The following CWC27 variants were observed in gnomAD, a reference collection of about 807,000 sequenced individuals.
CWC27 encodes the protein CWC27 spliceosome associated cyclophilin, also known as spliceosome-associated protein CWC27 homolog.
Under a neutral mutation model 63.6 loss-of-function variants are expected in CWC27, and 47 were observed. That is an observed-to-expected ratio of 0.74 (90% CI 0.58 to 0.94). The LOEUF is 0.94. Among genes scored for constraint, CWC27 ranks in the 40% least tolerant of loss-of-function variants. CWC27 has a pLI of 0.00. For synonymous variants in CWC27, 175 were observed against 179.8 expected (o/e 0.97, Z 0.22); for missense variants, 495 against 554.3 (o/e 0.89, Z 1.07).
chr5:64,870,012 A>C (rs145966612), intron 10 of CWC27, among the ~76,000 whole-genome samples: 1 of 152,230 alleles, frequency 6.6e-6, no homozygotes, highest in Non-Finnish European at 1.5e-5. Context: ...GTGAAAAGGT[A>C]TTAATTCCCC....
intron 10 of CWC27, among the ~76,000 whole-genome samples, chr5:64,823,417 T>A (rs79229203): frequency 0.027 from 4,046 of 152,290 alleles, 183 homozygotes; most frequent in African/African-American, 0.092. Context: ...GCGACTGTAT[T>A]TAAAGGGTGT....
chr5:64,967,723 A>G (rs1253988752), intron 11 of CWC27, among the ~76,000 whole-genome samples: 2 of 152,034 alleles, frequency 1.3e-5, no homozygotes, highest in East Asian at 3.8e-4. Flanking sequence ...TCTGTATAGA[A>G]AAAAAATCTC....
At chr5:64,908,328 G>T (rs1747706626) in intron 11 of CWC27, among the ~76,000 whole-genome samples, 1 of 152,214 alleles carries the variant, frequency 6.6e-6, no homozygotes, top group African/African-American at 2.4e-5. Flanking sequence ...TTTGGAATAA[G>T]TGCAACGTAA....
At chr5:64,981,335 T>C (rs1030543364) in intron 13 of CWC27, among the ~76,000 whole-genome samples, 4 of 152,208 alleles carry the variant, frequency 2.6e-5, no homozygotes, top group Non-Finnish European at 5.9e-5. Context: ...GATCATATAG[T>C]ACTACAGCTT....
At chr5:64,950,336 C>CA (rs1748680092) in intron 11 of CWC27, among the ~76,000 whole-genome samples, 2 of 127,808 alleles carry the variant, frequency 1.6e-5, no homozygotes, top group Admixed American at 7.9e-5. Flanking sequence ...TTTTCTGCCT[C>CA]ATTGAAAAAC....
chr5:64,822,911 G>A (rs1178143055), intron 10 of CWC27, among the ~76,000 whole-genome samples: 3 of 152,170 alleles, frequency 2.0e-5, no homozygotes, highest in Admixed American at 2.0e-4. Context: ...TAATGGTTTA[G>A]TGAGAAGAAT....
At chr5:64,785,840 T>C (rs1031449752) in intron 5 of CWC27, among the ~76,000 whole-genome samples, 2 of 152,102 alleles carry the variant, frequency 1.3e-5, no homozygotes, top group African/African-American at 4.8e-5. Flanking sequence ...ATTAGGTTTA[T>C]TTAGCCCAAA....
chr5:64,945,236 G>A (rs1343629585), intron 11 of CWC27, among the ~76,000 whole-genome samples: 1 of 152,072 alleles, frequency 6.6e-6, no homozygotes, highest in Admixed American at 6.6e-5. Context: ...TGTTCCTTGT[G>A]TTACTACCTT....
chr5:64,775,687 A>C (rs1580578068), intron 2 of CWC27, among the ~76,000 whole-genome samples: 1 of 152,156 alleles, frequency 6.6e-6, no homozygotes, highest in African/African-American at 2.4e-5. Context: ...GTCATAAAGT[A>C]ACTATTTTTC....
intron 10 of CWC27, among the ~76,000 whole-genome samples, chr5:64,860,105 C>A (rs1346067761): frequency 6.6e-6 from 1 of 152,104 alleles, no homozygotes; most frequent in Non-Finnish European, 1.5e-5. Flanking sequence ...GCCAAAATTC[C>A]AGCCCTGGAG....
chr5:65,005,318 G>A (rs529047357), intron 13 of CWC27, among the ~76,000 whole-genome samples: 257 of 152,144 alleles, frequency 1.7e-3, no homozygotes, highest in Non-Finnish European at 2.9e-3. Flanking sequence ...AGGCACTGAC[G>A]GTGGCAGTGA....
chr5:64,851,100 T>C (rs1746123609), intron 10 of CWC27, among the ~76,000 whole-genome samples: 1 of 152,228 alleles, frequency 6.6e-6, no homozygotes, highest in Admixed American at 6.5e-5. Flanking sequence ...CTACACTACA[T>C]GTTCATTGCA....
At chr5:64,907,618 T>A (rs6874006) in intron 11 of CWC27, among the ~76,000 whole-genome samples, 17,028 of 152,108 alleles carry the variant, frequency 0.11, 2,965 homozygotes, top group African/African-American at 0.37. Flanking sequence ...AAGAGAGTCA[T>A]TTTGACTTCC....
intron 11 of CWC27, among the ~76,000 whole-genome samples, chr5:64,901,561 G>A (rs1747511519): frequency 6.6e-6 from 1 of 152,130 alleles, no homozygotes; most frequent in South Asian, 2.1e-4. Flanking sequence ...AGTGAGTCAG[G>A]GAGTGAGTGG....
chr5:65,013,829 A>G (rs1004063749), intron 13 of CWC27, among the ~76,000 whole-genome samples: 1 of 152,184 alleles, frequency 6.6e-6, no homozygotes, highest in African/African-American at 2.4e-5. Flanking sequence ...CCAATGAAAA[A>G]GATAGCTGTT....
Position 65,018,496 on chromosome 5 carries a change from GC to G in CWC27, c.*176del, listed in dbSNP as rs1750090613. On this transcript the variant is annotated 3_prime_UTR_variant, in exon 14 of 14. Transcript: ENST00000381070. Reference sequence around the variant, plus strand: ...AAATTGTGGAATGATGTAAGCAAATGCTTTTGGTTACTGGTACATGTGTTTT... The same window carrying G: ...AAATTGTGGAATGATGTAAGCAAATGTTTTGGTTACTGGTACATGTGTTTT... The G allele has an allele frequency of 5.8e-6, 3 of 513,954 alleles. No homozygotes were observed. Among genetic ancestry groups the G allele is most frequent in the South Asian group, 3.6e-5 (1 of 28,008 alleles). 31.8% of individuals were successfully genotyped at this position (513,954 alleles called of 1,614,324 possible).
At chr5:64,922,437 T>C (rs1202286753) in intron 11 of CWC27, among the ~76,000 whole-genome samples, 2 of 152,244 alleles carry the variant, frequency 1.3e-5, no homozygotes, top group Admixed American at 1.3e-4. Context: ...ATGCTTCTGT[T>C]GTATTTTGAA....
chr5:64,873,311 A>G (rs1221420834), intron 10 of CWC27, among the ~76,000 whole-genome samples: 1 of 152,174 alleles, frequency 6.6e-6, no homozygotes, highest in Non-Finnish European at 1.5e-5. Flanking sequence ...GAACAATAGT[A>G]TTTCAATTTT....
At chr5:64,972,546 A>G (rs1749145739) in intron 12 of CWC27, 1 of 320,442 alleles carries the variant, frequency 3.1e-6, no homozygotes, top group East Asian at 7.4e-5. Flanking sequence ...TGCCTTATAT[A>G]TATATATATG....
Sources: gnomAD v4.1 joint callset for allele counts (sites outside exome capture counted in the v4.1 genomes callset) on GRCh38, gnomAD v4.1.1 for gene constraint, MANE v1.5 for transcripts, NCBI Gene and HGNC (gene_info 2026-07-23, HGNC 2026-07-21) for gene names.